Variants in TET3 observed in about 807,000 individuals in gnomAD.
TET3 encodes the protein tet methylcytosine dioxygenase 3, also known as methylcytosine dioxygenase TET3.
Under a neutral mutation model 141.4 loss-of-function variants are expected in TET3, and 19 were observed. The observed-to-expected ratio is 0.13, with a 90% CI of 0.09 to 0.20. The LOEUF is 0.20. Among genes scored for constraint, TET3 ranks in the 10% least tolerant of loss-of-function variants. The pLI is 1.00. For missense variants in TET3, 1,874 were observed against 2,356.9 expected, an observed-to-expected ratio of 0.80 and a Z score of 4.24; for synonymous variants, 1,043 against 980.9, an observed-to-expected ratio of 1.06 and a Z score of -1.18.
At chr2:74,082,799 C>T (rs960297348) in intron 6 of TET3, among the ~76,000 whole-genome samples, 1 of 152,052 alleles carries the variant, frequency 6.6e-6, no homozygotes, top group Admixed American at 6.5e-5. Context: ...GGTGCTCCTT[C>T]TCCCTGCCCT....
the TET3 span, among the ~76,000 whole-genome samples, chr2:74,113,905 T>C: frequency 6.6e-6 from 1 of 151,884 alleles, no homozygotes; most frequent in African/African-American, 2.4e-5. Flanking sequence ...TTTAATGCAA[T>C]CCCTATCAAA....
intron 2 of TET3, among the ~76,000 whole-genome samples, chr2:73,992,024 A>AAG (rs954201317): frequency 6.6e-6 from 1 of 152,104 alleles, no homozygotes; most frequent in Non-Finnish European, 1.5e-5. Context: ...CTGAGCCCCT[A>AAG]AGAGGAGCAT....
chr2:74,080,473 T>C, intron 5 of TET3, 25 bp from the exon 6 acceptor site: 1 of 1,602,524 alleles, frequency 6.2e-7, no homozygotes, highest in Non-Finnish European at 8.5e-7. Flanking sequence ...GCTGTGCTAA[T>C]GGTGGCTTCT....
Position 74,052,735 on chromosome 2 carries a change from T to TGGCGGGTGCCTGTAATTCCA in TET3, c.2494+4326_2494+4345dup, listed in dbSNP as rs1688012913. Among the ~76,000 whole-genome samples, 5 of 152,118 alleles carry TGGCGGGTGCCTGTAATTCCA rather than the reference T, an allele frequency of 3.3e-5. No homozygotes were observed. The South Asian group carries it at 1.0e-3, about 32-fold the overall frequency. On this transcript the variant is annotated intron_variant, in intron 4 of 11. Transcript: ENST00000409262. ...AAATACAAAAATTAGCTGGGCATGG[T>TGGCGGGTGCCTGTAATTCCA]GGCGGGTGCCTGTAATTCCAGTTAC...
chr2:74,052,400 C>T (rs1401320641), intron 4 of TET3, among the ~76,000 whole-genome samples: 1 of 152,158 alleles, frequency 6.6e-6, no homozygotes, highest in East Asian at 1.9e-4. Flanking sequence ...TCCAGAAATT[C>T]ATCCCCTCAC....
At chr2:74,039,574 AT>A (rs755058547) in intron 3 of TET3, among the ~76,000 whole-genome samples, 3 of 152,226 alleles carry the variant, frequency 2.0e-5, no homozygotes, top group Non-Finnish European at 2.9e-5. Flanking sequence ...AACAGTAATC[AT>A]TTTGTTATGC....
chr2:74,074,075 T>G (rs551203155), intron 5 of TET3, among the ~76,000 whole-genome samples: 1 of 152,326 alleles, frequency 6.6e-6, no homozygotes, highest in East Asian at 1.9e-4. Context: ...GGTGGAATTT[T>G]TTACCTCCCC....
intron 3 of TET3, among the ~76,000 whole-genome samples, chr2:74,037,044 A>G (rs1368052196): frequency 6.6e-6 from 1 of 152,190 alleles, no homozygotes; most frequent in Non-Finnish European, 1.5e-5. Flanking sequence ...CTGCCAACGT[A>G]TAATGCTCTC....
In TET3 at chr2:74,101,495, C is replaced by T. The variant is rs766220407; in HGVS notation, c.4707C>T (p.Ala1569=). 43 of 1,612,970 alleles carry T rather than the reference C, an allele frequency of 2.7e-5. No homozygotes were observed. The highest frequency in any genetic ancestry group is 2.0e-4 in the South Asian group (18 of 90,982). The part of the protein sequence containing the change: ...PMKGEEGRIP[A]AGASQLDRAW... ...AAGGAGAGGAGGGCAGGATTCCAGC[C>T]GCAGGGGCCAGCCAGCTGGACAGGG... The change falls in exon 12 of 12, where the codon GCC becomes GCT. Residue 1569 remains alanine (A), a synonymous_variant. Transcript: ENST00000409262. This position sits in a 1 kb window ranked among gnomAD's most constrained non-coding sequence, Gnocchi z 8.5.
intron 4 of TET3, among the ~76,000 whole-genome samples, chr2:74,068,752 T>C (rs1689042027): frequency 6.6e-6 from 1 of 152,250 alleles, no homozygotes; most frequent in South Asian, 2.1e-4. Context: ...ATCAGACTTT[T>C]TGGTAGGGAC....
chr2:74,010,059 C>T (rs1182551704), intron 3 of TET3, among the ~76,000 whole-genome samples: 2 of 152,206 alleles, frequency 1.3e-5, no homozygotes, highest in African/African-American at 4.8e-5. Flanking sequence ...GTTATTTCTC[C>T]TTGGTTTCCT....
intron 10 of TET3, among the ~76,000 whole-genome samples, chr2:74,097,724 C>T (rs1243153196): frequency 6.6e-6 from 1 of 152,118 alleles, no homozygotes; most frequent in Non-Finnish European, 1.5e-5. Flanking sequence ...AGGCTCTGAG[C>T]TATGGGGTGG....
chr2:74,058,737 C>T (rs1258705703), intron 4 of TET3, among the ~76,000 whole-genome samples: 1 of 152,134 alleles, frequency 6.6e-6, no homozygotes, highest in Non-Finnish European at 1.5e-5. Flanking sequence ...ACCAGCATCT[C>T]AGAAGCCTCC....
chr2:74,039,400 A>G (rs1463961018), intron 3 of TET3, among the ~76,000 whole-genome samples: 2 of 152,160 alleles, frequency 1.3e-5, no homozygotes, highest in African/African-American at 2.4e-5. Flanking sequence ...CTGAGCCACC[A>G]CAGGCCCCTG....
At chr2:74,061,351 C>A (rs1318213783) in intron 4 of TET3, among the ~76,000 whole-genome samples, 1 of 130,796 alleles carries the variant, frequency 7.6e-6, no homozygotes, top group Non-Finnish European at 1.6e-5. Context: ...CCGGACGGGG[C>A]GGCTGGCCGG....
At chr2:74,054,194 G>A (rs533119333) in intron 4 of TET3, among the ~76,000 whole-genome samples, 1 of 152,120 alleles carries the variant, frequency 6.6e-6, no homozygotes, top group East Asian at 1.9e-4. Context: ...GGGAAGAGGG[G>A]ATGATACCAA....
Position 74,084,216 on chromosome 2 carries a change from A to T in TET3, c.2680-3614A>T, listed in dbSNP as rs564319723. On this transcript the variant is annotated intron_variant, in intron 6 of 11. Transcript: ENST00000409262. ...AGTATCCTTTCAAAGTCTGAAGGAA[A>T]TTCCGGCACATGCTACAACATGGTT... is the stretch of plus-strand genomic sequence containing the variant. Among the ~76,000 whole-genome samples the T allele has an allele frequency of 3.3e-5, 5 of 152,374 alleles. No individual in the cohort carries two copies. The East Asian group carries it at 7.7e-4, about 23-fold the overall frequency.
intron 4 of TET3, among the ~76,000 whole-genome samples, chr2:74,060,940 C>T (rs576052054): frequency 6.6e-6 from 1 of 152,168 alleles, no homozygotes; most frequent in Non-Finnish European, 1.5e-5. Context: ...AGCAACCATC[C>T]GATTTCTCAA....
chr2:74,005,778 T>C (rs1558703845), intron 3 of TET3, among the ~76,000 whole-genome samples: 1 of 152,228 alleles, frequency 6.6e-6, no homozygotes, highest in Non-Finnish European at 1.5e-5. Flanking sequence ...ACATAGTGCC[T>C]AGCATAGGCA....
Sources: gnomAD v4.1 joint callset for allele counts (sites outside exome capture counted in the v4.1 genomes callset) on GRCh38, gnomAD v4.1.1 for gene constraint, Gnocchi (gnomAD v3.1) non-coding constraint, MANE v1.5 for transcripts, NCBI Gene and HGNC (gene_info 2026-07-23, HGNC 2026-07-21) for gene names.